The following SUCO variants were observed in gnomAD, a reference collection of about 807,000 sequenced individuals.
SUCO encodes SUN domain containing ossification factor, also known as SUN domain-containing ossification factor.
SUCO carries 57 observed loss-of-function variants against 148.1 expected under a neutral mutation model. The observed-to-expected ratio is 0.38, with a 90% confidence interval of 0.31 to 0.48. The LOEUF is 0.48. SUCO is among the 20% of genes least tolerant of loss of function. The pLI is 0.96. For missense variants in SUCO, 1,331 were observed against 1,468.2 expected, an observed-to-expected ratio of 0.91 and a Z score of 1.53; for synonymous variants, 470 against 502.7, an observed-to-expected ratio of 0.93 and a Z score of 0.87.
chr1:172,570,339 T>C (rs1386434622), intron 8 of SUCO, 168 bp downstream of exon 8: 1 of 500,182 alleles, frequency 2.0e-6, no homozygotes, highest in East Asian at 3.4e-5. Flanking sequence ...TTCTTACTTA[T>C]ATTGGCTGAT....
chr1:172,574,826 C>G (rs1655311472), intron 10 of SUCO: 2 of 936,806 alleles, frequency 2.1e-6, no homozygotes, highest in Non-Finnish European at 2.5e-6. Context: ...ACACTCAGCA[C>G]TGCATATATA....
intron 18 of SUCO, chr1:172,590,458 C>A: frequency 1.7e-6 from 1 of 582,306 alleles, no homozygotes; most frequent in Non-Finnish European, 2.2e-6. Context: ...AGTGCCAATT[C>A]ATTAAGACAC....
At chr1:172,582,227 A>G (rs1655927097) in intron 15 of SUCO, among the ~76,000 whole-genome samples, 1 of 152,268 alleles carries the variant, frequency 6.6e-6, no homozygotes, top group African/African-American at 2.4e-5. Flanking sequence ...TTACTTCTCA[A>G]GTATTTTTTG....
intron 1 of SUCO, chr1:172,544,151 G>A (rs890504381): frequency 6.1e-6 from 6 of 979,682 alleles, no homozygotes; most frequent in East Asian, 1.1e-4. Context: ...ACCATACTGC[G>A]CTAATTGAGT....
At position 172,577,914 on chromosome 1, in the gene SUCO, G is replaced by A. The variant is rs141549673; in HGVS notation, c.1340+95G>A. ...AAGTGAAGAAATAATTTTCTCTTAC[G>A]TGAGTTAATACCATAGAAATAAAAA... On this transcript the variant is annotated intron_variant, in intron 13 of 23. Coordinates refer to ENST00000263688, the MANE Select transcript of SUCO (RefSeq NM_014283.5). 2,046 of 893,762 alleles carry A rather than the reference G, an allele frequency of 2.3e-3. 28 individuals carry two copies. The highest frequency in any genetic ancestry group is 0.019 in the South Asian group (1,084 of 56,632). 55.4% of individuals were successfully genotyped at this position (893,762 alleles called of 1,614,324 possible). A position where few individuals can be genotyped will look rare whatever the true frequency, so the allele number is the denominator to read the frequency against.
chr1:172,592,599 T>C (rs563212811), intron 19 of SUCO, among the ~76,000 whole-genome samples: 24 of 152,290 alleles, frequency 1.6e-4, no homozygotes, highest in African/African-American at 2.4e-4. Flanking sequence ...ATGTGTGGTA[T>C]TATTTCTGAG....
chr1:172,566,543 T>A (rs1654566676), intron 6 of SUCO, among the ~76,000 whole-genome samples: 1 of 152,200 alleles, frequency 6.6e-6, no homozygotes, highest in South Asian at 2.1e-4. Context: ...AACAGCAACT[T>A]TTATTGAATT....
Position 172,602,083 on chromosome 1 carries a change from A to G in SUCO, c.3038A>G (p.Tyr1013Cys). The part of the protein sequence containing the change: ...LKREVSDRQS[Y>C]LVISLVLCVV... ...TCTCAGGTTTCAGATCGACAAAGCTATCTTGTCATATCTTTGGTTCTTTGT... is the reference window on the plus strand; with the variant it reads ...TCTCAGGTTTCAGATCGACAAAGCTGTCTTGTCATATCTTTGGTTCTTTGT... The change falls in exon 21 of 24, where the codon TAT (tyrosine) becomes TGT (cysteine). Residue 1013 changes from tyrosine (Y) to cysteine (C), a missense_variant. Around this residue, in one of 3 missense-constraint regions of SUCO, gnomAD observed 334 missense variants for 352.3 expected, o/e 0.95. Coordinates refer to ENST00000263688, the MANE Select transcript of SUCO (RefSeq NM_014283.5). The G allele has an allele frequency of 6.2e-7, 1 of 1,610,752 alleles. No homozygotes were observed. The highest frequency in any genetic ancestry group is 8.5e-7 in the Non-Finnish European group (1 of 1,178,802).
intron 1 of SUCO, 50 bp downstream of exon 1, chr1:172,533,547 G>T: frequency 6.7e-7 from 1 of 1,494,004 alleles, no homozygotes; most frequent in South Asian, 1.3e-5. Context: ...GTAAATGGGA[G>T]GGAGCAGCCC....
chr1:172,607,464 T>G (rs1320286774), intron 22 of SUCO, among the ~76,000 whole-genome samples: 8 of 151,558 alleles, frequency 5.3e-5, no homozygotes, highest in Admixed American at 4.6e-4. Context: ...ACACTAAACT[T>G]TGGGTGGGCC....
At chr1:172,609,678 A>G (rs1658084391) in intron 23 of SUCO, 138 bp from the exon 24 acceptor site, 3 of 1,450,492 alleles carry the variant, frequency 2.1e-6, no homozygotes, top group Non-Finnish European at 1.8e-6. Context: ...ATAACAATGT[A>G]TGTGTTCTGT....
intron 19 of SUCO, among the ~76,000 whole-genome samples, chr1:172,594,376 T>G (rs1656921751): frequency 6.6e-6 from 1 of 152,206 alleles, no homozygotes; most frequent in Non-Finnish European, 1.5e-5. Context: ...GATGTTAGGG[T>G]ATCAATTTTA....
intron 1 of SUCO, 45 bp from the exon 2 acceptor site, chr1:172,551,461 TTCTTTC>T (rs1335970843): frequency 8.1e-7 from 1 of 1,232,694 alleles, no homozygotes; most frequent in Non-Finnish European, 1.2e-6. Context: ...CTTTTCTTCT[TTCTTTC>T]TCTTTCTCTT....
rs1658104900 is a variant in SUCO, at chr1:172,609,907, G to A, written c.3413G>A (p.Arg1138Lys). 1.2e-6 allele frequency: 2 copies of A among 1,613,794 alleles called. No homozygotes were observed. Among genetic ancestry groups the A allele is most frequent in the Non-Finnish European group, 1.7e-6 (2 of 1,179,840 alleles). Residue 1138 changes from arginine (R) to lysine (K), a missense_variant, in exon 24 of 24, where the codon AGA becomes AAA. By Grantham distance (26) the Arg-to-Lys change is conservative. Coordinates refer to ENST00000263688, the MANE Select transcript of SUCO (RefSeq NM_014283.5). ...HPIANGDIKG[R>K]KPFTNQRDFS... ...ATAGCCAATGGCGACATAAAAGGAA[G>A]AAAGCCCTTTACGAACCAGAGAGAT...
chr1:172,533,452 G>A lies in SUCO; in HGVS notation c.17G>A (p.Arg6Gln), dbSNP rs912562250. The change falls in exon 1 of 24, where the codon CGG (arginine) becomes CAG (glutamine). Residue 6 changes from arginine to glutamine, a missense_variant. Physicochemically the swap from Arg to Gln is conservative, Grantham distance 43 (BLOSUM62 1). Coordinates refer to ENST00000263688, the MANE Select transcript of SUCO (RefSeq NM_014283.5). MKKHRRALALVSCLFL... is the reference protein window; with the variant it reads MKKHRQALALVSCLFL... The stretch of plus-strand genomic sequence containing the variant: ...GAGGAGAAGATGAAGAAGCACCGGC[G>A]GGCCTTGGCCCTGGTCTCCTGCCTC... 1 of 1,565,896 alleles carries A rather than the reference G, an allele frequency of 6.4e-7. No homozygotes were observed. The highest frequency in any genetic ancestry group is 1.9e-5 in the Admixed American group (1 of 52,888).
chr1:172,589,449 G>A lies in SUCO; in HGVS notation c.2348G>A (p.Ser783Asn), dbSNP rs761538009. Residue 783 changes from serine (S) to asparagine (N), a missense_variant, in exon 18 of 24, where the codon AGC becomes AAC. By Grantham distance (46) the Ser-to-Asn change is conservative. Around this residue, in one of 3 missense-constraint regions of SUCO, gnomAD observed 992 missense variants for 1,093.5 expected, o/e 0.91. Coordinates refer to ENST00000263688, the MANE Select transcript of SUCO (RefSeq NM_014283.5). Reference protein sequence around the residue: ...IDNETEQKSESFSSIEKPSIT... With the variant: ...IDNETEQKSENFSSIEKPSIT... ...AATGAAACAGAACAAAAGTCTGAGA[G>A]CTTTAGTTCTATAGAGAAACCATCT... The A allele has an allele frequency of 3.1e-6, 5 of 1,611,892 alleles. No homozygotes were observed. The highest frequency in any genetic ancestry group is 3.4e-5 in the Admixed American group (2 of 59,508).
intron 2 of SUCO, chr1:172,552,616 G>C: frequency 1.0e-6 from 1 of 981,768 alleles, no homozygotes; most frequent in Non-Finnish European, 1.2e-6. Context: ...TTCTGGGATG[G>C]AGCATTTAAA....
chr1:172,602,327 T>C (rs79032593), intron 21 of SUCO, 109 bp downstream of exon 21: 119,259 of 1,393,756 alleles, frequency 0.086, 5,697 homozygotes, highest in Middle Eastern at 0.12. Context: ...TTTCCCTATA[T>C]GATTATCTTG....
chr1:172,566,809 TG>T (rs1482296276), intron 6 of SUCO, among the ~76,000 whole-genome samples: 10 of 152,346 alleles, frequency 6.6e-5, no homozygotes, highest in Admixed American at 2.6e-4. Flanking sequence ...GGCACGCTGG[TG>T]GGCATGTCTT....
Sources: allele counts gnomAD v4.1 joint callset (sites outside exome capture counted in the v4.1 genomes callset), GRCh38; gene constraint gnomAD v4.1.1; regional missense constraint gnomAD v4.1.1; transcripts MANE v1.5; gene names NCBI Gene and HGNC (gene_info 2026-07-23, HGNC 2026-07-21).